The following NCOA1 variants were observed in gnomAD, a reference collection of about 807,000 sequenced individuals.
NCOA1 encodes the protein nuclear receptor coactivator 1, also known as Hin-2 protein.
Under a neutral mutation model 150.9 loss-of-function variants are expected in NCOA1, and 35 were observed. The observed-to-expected ratio is 0.23, with a 90% CI of 0.18 to 0.31. The LOEUF (loss-of-function observed/expected upper bound fraction) is 0.31. Ranked by LOEUF, NCOA1 falls within the 10% of genes least tolerant of loss-of-function variation. The pLI is 1.00. For missense variants in NCOA1, 1,491 were observed against 1,749.3 expected, an observed-to-expected ratio of 0.85 and a Z score of 2.63; for synonymous variants, 590 against 630.0, an observed-to-expected ratio of 0.94 and a Z score of 0.95.
intron 19 of NCOA1, among the ~76,000 whole-genome samples, chr2:24,748,131 A>G (rs1478963404): frequency 6.6e-6 from 1 of 152,084 alleles, no homozygotes; most frequent in Non-Finnish European, 1.5e-5. Flanking sequence ...AGAAAAAAAA[A>G]TGGAGACCCA....
intron 1 of NCOA1, among the ~76,000 whole-genome samples, chr2:24,512,465 ATTCAG>A (rs946244172): frequency 1.3e-5 from 2 of 152,192 alleles, no homozygotes; most frequent in Non-Finnish European, 2.9e-5. Flanking sequence ...TCCTAAAGCA[ATTCAG>A]TTCAGTTTTT....
chr2:24,629,331 G>T (rs1233998934), intron 3 of NCOA1, among the ~76,000 whole-genome samples: 2 of 152,052 alleles, frequency 1.3e-5, no homozygotes, highest in Admixed American at 1.3e-4. Context: ...TAAGAGTCAT[G>T]AATATTTTAG....
At chr2:24,740,778 A>G (rs1245504742) in intron 18 of NCOA1, among the ~76,000 whole-genome samples, 4 of 152,230 alleles carry the variant, frequency 2.6e-5, no homozygotes, top group African/African-American at 9.6e-5. Context: ...GGATTCACAT[A>G]AAGATAATTC....
At chr2:24,542,233 T>C (rs1665427859) in intron 1 of NCOA1, among the ~76,000 whole-genome samples, 1 of 147,488 alleles carries the variant, frequency 6.8e-6, no homozygotes, top group East Asian at 2.1e-4. Context: ...AAAATGTAGC[T>C]AAATTGAAGA....
chr2:24,635,546 A>G (rs559389240), intron 3 of NCOA1, among the ~76,000 whole-genome samples: 8 of 152,350 alleles, frequency 5.3e-5, no homozygotes, highest in South Asian at 2.1e-4. Flanking sequence ...TATTTGGCAA[A>G]CGTAGTAAAG....
intron 3 of NCOA1, among the ~76,000 whole-genome samples, chr2:24,598,551 A>G (rs1000998488): frequency 2.0e-5 from 3 of 152,208 alleles, no homozygotes; most frequent in Non-Finnish European, 4.4e-5. Flanking sequence ...CTGTGCATAT[A>G]TGGAGTTGGC....
chr2:24,549,372 C>G (rs1418537867), intron 1 of NCOA1, among the ~76,000 whole-genome samples: 1 of 152,162 alleles, frequency 6.6e-6, no homozygotes, highest in Non-Finnish European at 1.5e-5. Context: ...TCCTAAACAT[C>G]TGGGCTTGTG....
chr2:24,613,009 T>A (rs994348764), intron 3 of NCOA1, among the ~76,000 whole-genome samples: 5 of 152,192 alleles, frequency 3.3e-5, no homozygotes, highest in African/African-American at 4.8e-5. Flanking sequence ...CTGGAGACAC[T>A]GGCACTTTTG....
chr2:24,507,322 G>A (rs1033920050), intron 1 of NCOA1, among the ~76,000 whole-genome samples: 2 of 152,002 alleles, frequency 1.3e-5, no homozygotes, highest in African/African-American at 4.8e-5. Context: ...CGTTAAATAG[G>A]GATGATAGTA....
intron 13 of NCOA1, among the ~76,000 whole-genome samples, 165 bp from the exon 14 acceptor site, chr2:24,710,766 T>C (rs920823373): frequency 2.0e-5 from 3 of 152,234 alleles, no homozygotes. Flanking sequence ...AATAGTTAGC[T>C]CATGTAATTT....
chr2:24,585,859 T>A (rs542441810), intron 3 of NCOA1, among the ~76,000 whole-genome samples: 1 of 152,360 alleles, frequency 6.6e-6, no homozygotes, highest in South Asian at 2.1e-4. Context: ...TAAAGTCCTC[T>A]TTTATTAGTT....
At chr2:24,751,308 C>T (rs758343241) in intron 19 of NCOA1, among the ~76,000 whole-genome samples, 14 of 150,084 alleles carry the variant, frequency 9.3e-5, no homozygotes, top group South Asian at 4.4e-4. Context: ...TACAGCCGGG[C>T]GCGGTGGCTC....
At chr2:24,510,350 C>CT (rs1427784308) in intron 1 of NCOA1, among the ~76,000 whole-genome samples, 1 of 152,068 alleles carries the variant, frequency 6.6e-6, no homozygotes, top group Non-Finnish European at 1.5e-5. Context: ...CCCGGCTGCA[C>CT]TTTTTTTCTT....
intron 5 of NCOA1, among the ~76,000 whole-genome samples, chr2:24,659,873 C>A (rs1407136317): frequency 6.6e-6 from 1 of 152,080 alleles, no homozygotes; most frequent in Non-Finnish European, 1.5e-5. Context: ...TGCCAAATGT[C>A]CCCTGGGGCC....
chr2:24,516,572 T>C (rs560789456), intron 1 of NCOA1, among the ~76,000 whole-genome samples: 22 of 151,956 alleles, frequency 1.4e-4, no homozygotes, highest in African/African-American at 5.3e-4. Flanking sequence ...ATTATGTCAC[T>C]GCTGTTAACT....
Position 24,693,274 on chromosome 2 carries a change from T to C in NCOA1, c.735T>C (p.Cys245=), listed in dbSNP as rs765298802. 8.7e-6 allele frequency: 14 copies of C among 1,614,234 alleles called. No individual in the cohort carries two copies. The East Asian group carries it at 2.7e-4, about 31-fold the overall frequency. Residue 245 remains cysteine, a synonymous_variant, in exon 10 of 23, where the codon TGT becomes TGC. Coordinates refer to ENST00000348332, the MANE Select transcript of NCOA1 (RefSeq NM_003743.5). ...DGEDFQSCLI[C]IARRLPRPPA... Reference sequence around the variant, plus strand: ...CAGATTTCCAGTCATGTCTGATTTGTATTGCACGGCGATTACCTCGGCCTC... The same window carrying C: ...CAGATTTCCAGTCATGTCTGATTTGCATTGCACGGCGATTACCTCGGCCTC...
intron 21 of NCOA1, among the ~76,000 whole-genome samples, chr2:24,762,098 G>A (rs746458907): frequency 3.9e-5 from 6 of 152,240 alleles, no homozygotes; most frequent in East Asian, 3.9e-4. Context: ...CCTGCCAGGC[G>A]CTGCCTGGAT....
intron 1 of NCOA1, among the ~76,000 whole-genome samples, chr2:24,563,155 A>G (rs559475704): frequency 8.5e-5 from 13 of 152,294 alleles, no homozygotes; most frequent in African/African-American, 3.1e-4. Context: ...GAATGTAGAG[A>G]TGATTTGTTT....
At chr2:24,667,652 TAGAAAC>T (rs1395225937) in intron 6 of NCOA1, among the ~76,000 whole-genome samples, 1 of 152,226 alleles carries the variant, frequency 6.6e-6, no homozygotes, top group Non-Finnish European at 1.5e-5. Context: ...TTTTGGAACT[TAGAAAC>T]AGGATAGCTG....
Sources: gnomAD v4.1 joint callset for allele counts (sites outside exome capture counted in the v4.1 genomes callset) on GRCh38, gnomAD v4.1.1 for gene constraint, MANE v1.5 for transcripts, NCBI Gene and HGNC (gene_info 2026-07-23, HGNC 2026-07-21) for gene names.